Variants in GABBR2 observed in about 807,000 individuals in gnomAD.
GABBR2 encodes G-protein coupled receptor 51.
Under a neutral mutation model 105.6 loss-of-function variants are expected in GABBR2, and 23 were observed. The observed-to-expected ratio is 0.22, with a 90% CI of 0.16 to 0.31. The LOEUF is 0.31. Ranked by LOEUF, GABBR2 falls within the 10% of genes least tolerant of loss-of-function variation. The probability of loss-of-function intolerance (pLI) is 1.00; values close to 1 mark genes in which losing one functional copy is unlikely to be tolerated. For synonymous variants in GABBR2, 478 were observed against 499.7 expected, an observed-to-expected ratio of 0.96 and a Z score of 0.58; for missense variants, 734 against 1,245.5, an observed-to-expected ratio of 0.59 and a Z score of 6.18.
chr9:98,309,240 T>C (rs3824451), intron 14 of GABBR2, among the ~76,000 whole-genome samples: 19,684 of 152,270 alleles, frequency 0.13, 1,540 homozygotes, highest in Middle Eastern at 0.21. Flanking sequence ...CATACAGTCA[T>C]TTCTCATCTC....
At chr9:98,305,976 TTTC>T in intron 15 of GABBR2, 142 bp downstream of exon 15, 1 of 640,064 alleles carries the variant, frequency 1.6e-6, no homozygotes, top group Non-Finnish European at 2.7e-6. Context: ...TACTGTGCAT[TTTC>T]TGAATTTTCT....
intron 1 of GABBR2, among the ~76,000 whole-genome samples, chr9:98,690,147 C>T (rs757064627): frequency 1.3e-5 from 2 of 149,672 alleles, no homozygotes; most frequent in Non-Finnish European, 2.9e-5. Context: ...CCCAGATATG[C>T]CTTTCTTAAC....
chr9:98,520,881 C>G (rs1347730084), intron 3 of GABBR2, among the ~76,000 whole-genome samples: 1 of 151,996 alleles, frequency 6.6e-6, no homozygotes, highest in East Asian at 1.9e-4. Context: ...TCCATCTGAT[C>G]GAGAGGATGC....
chr9:98,413,003 C>G (rs759136957), intron 7 of GABBR2, among the ~76,000 whole-genome samples: 14 of 152,212 alleles, frequency 9.2e-5, no homozygotes, highest in Non-Finnish European at 2.1e-4. Context: ...ATCTCTGGGT[C>G]TTCATTCTGA....
chr9:98,294,492 G>A (rs1361633887), intron 17 of GABBR2, among the ~76,000 whole-genome samples: 1 of 151,812 alleles, frequency 6.6e-6, no homozygotes, highest in African/African-American at 2.4e-5. Context: ...GTTCAACCTC[G>A]GCATCTTTTT....
chr9:98,559,009 C>T (rs1271989646), intron 2 of GABBR2, among the ~76,000 whole-genome samples: 2 of 152,078 alleles, frequency 1.3e-5, no homozygotes, highest in African/African-American at 4.8e-5. Context: ...TTTTCTTAGT[C>T]TTTCTGTTCC....
chr9:98,568,637 A>ACATGTTCCCCTCTC (rs1365446362), intron 2 of GABBR2, among the ~76,000 whole-genome samples: 1 of 152,134 alleles, frequency 6.6e-6, no homozygotes, highest in African/African-American at 2.4e-5. Flanking sequence ...AGAGCCTGCC[A>ACATGTTCCCCTCTC]CATGTTCCCC....
At chr9:98,379,053 G>A (rs544446244) in intron 11 of GABBR2, among the ~76,000 whole-genome samples, 55 of 152,152 alleles carry the variant, frequency 3.6e-4, no homozygotes, top group Non-Finnish European at 6.3e-4. Flanking sequence ...CATCCTCAGA[G>A]GTCCCGTCTG....
At chr9:98,597,004 A>G (rs1190712348) in intron 1 of GABBR2, among the ~76,000 whole-genome samples, 1 of 152,154 alleles carries the variant, frequency 6.6e-6, no homozygotes, top group Non-Finnish European at 1.5e-5. Flanking sequence ...CTTCCCTAGC[A>G]GGAGCTGATA....
intron 3 of GABBR2, among the ~76,000 whole-genome samples, chr9:98,511,249 C>T (rs1401258868): frequency 7.3e-5 from 11 of 149,804 alleles, no homozygotes; most frequent in Middle Eastern, 3.4e-3. Context: ...GGGACACATT[C>T]AAAGCAGTGT....
intron 1 of GABBR2, 94 bp downstream of exon 1, chr9:98,708,323 G>A (rs1830929111): frequency 2.4e-6 from 3 of 1,235,024 alleles, no homozygotes; most frequent in South Asian, 2.3e-5. Context: ...CCGGTCAATC[G>A]GGGATCTGAC....
intron 13 of GABBR2, among the ~76,000 whole-genome samples, chr9:98,352,620 T>C (rs1471523948): frequency 3.9e-5 from 6 of 152,054 alleles, no homozygotes; most frequent in Non-Finnish European, 1.5e-5. Flanking sequence ...GACAGACTGG[T>C]CCTCAAGATC....
chr9:98,352,223 G>A (rs1045797474), intron 13 of GABBR2, among the ~76,000 whole-genome samples: 5 of 152,240 alleles, frequency 3.3e-5, no homozygotes, highest in Non-Finnish European at 7.3e-5. Context: ...GGCATGTAGG[G>A]GCACTGGTGG....
At chr9:98,615,532 C>T (rs1030154092) in intron 1 of GABBR2, among the ~76,000 whole-genome samples, 2 of 152,152 alleles carry the variant, frequency 1.3e-5, no homozygotes, top group African/African-American at 4.8e-5. Flanking sequence ...CCTCCCCACC[C>T]CCAGGATATT....
At chr9:98,505,222 A>G (rs1827484213) in intron 3 of GABBR2, among the ~76,000 whole-genome samples, 1 of 152,240 alleles carries the variant, frequency 6.6e-6, no homozygotes, top group Non-Finnish European at 1.5e-5. Flanking sequence ...TCATTAAGAG[A>G]GCATTCCTTC....
chr9:98,434,750 G>C (rs762400806), intron 7 of GABBR2, among the ~76,000 whole-genome samples: 18 of 152,202 alleles, frequency 1.2e-4, no homozygotes, highest in Non-Finnish European at 2.1e-4. Flanking sequence ...GGGGAACAAA[G>C]ATCTGGCAAT....
chr9:98,703,351 GCTTT>G lies in GABBR2; in HGVS notation c.321+5062_321+5065del, dbSNP rs1478763760. Among the ~76,000 whole-genome samples, 3 of 152,316 alleles carry G rather than the reference GCTTT, an allele frequency of 2.0e-5. No homozygotes were observed. The South Asian group carries it at 6.2e-4, about 32-fold the overall frequency. On this transcript the variant is annotated intron_variant, in intron 1 of 18. Coordinates refer to ENST00000259455, the MANE Select transcript of GABBR2 (RefSeq NM_005458.8). ...CAGTTATATGAACCTGTTAAAGTTG[GCTTT>G]CTGTCATTTGCATCAAGAGTACTAA... is the stretch of plus-strand genomic sequence containing the variant.
At chr9:98,511,672 A>T (rs1465815261) in intron 3 of GABBR2, among the ~76,000 whole-genome samples, 1 of 152,126 alleles carries the variant, frequency 6.6e-6, no homozygotes, top group African/African-American at 2.4e-5. Flanking sequence ...ATGGATAAAT[A>T]CCTCGACACA....
intron 9 of GABBR2, 96 bp from the exon 10 acceptor site, chr9:98,389,100 C>A: frequency 1.9e-6 from 2 of 1,055,922 alleles, no homozygotes; most frequent in Admixed American, 2.1e-5. Flanking sequence ...CCAGGCCCTG[C>A]GCACAAACTC....
Sources: gnomAD v4.1 joint callset for allele counts (sites outside exome capture counted in the v4.1 genomes callset) on GRCh38, gnomAD v4.1.1 for gene constraint, MANE v1.5 for transcripts, NCBI Gene and HGNC (gene_info 2026-07-23, HGNC 2026-07-21) for gene names.